The following VWCE variants were observed in gnomAD, a reference collection of about 807,000 sequenced individuals.
VWCE encodes von Willebrand factor C and EGF domain-containing protein.
Under a neutral mutation model 102.9 loss-of-function variants are expected in VWCE, and 68 were observed. That is an observed-to-expected ratio of 0.66 (90% CI 0.54 to 0.81). The LOEUF (loss-of-function observed/expected upper bound fraction) is 0.81, where lower values mean the gene tolerates loss of function less well. Ranked by LOEUF, VWCE falls within the 30% of genes least tolerant of loss-of-function variation. The pLI is 0.00. For missense variants in VWCE, 1,137 were observed against 1,263.6 expected, an observed-to-expected ratio of 0.90 and a Z score of 1.52; for synonymous variants, 497 against 515.4, an observed-to-expected ratio of 0.96 and a Z score of 0.48.
Position 61,294,868 on chromosome 11 carries a change from G to A in VWCE, c.110+60C>T, listed in dbSNP as rs1474869361. ...TCCTGAGCGCCCCTCCGCGCCTCTC[G>A]ACTGCACGCCGGTAGCGCTCTCCCG... On this transcript the variant is annotated intron_variant, in intron 1 of 19. Transcript: ENST00000335613. This position sits in a 1 kb window ranked among gnomAD's most constrained non-coding sequence, Gnocchi z 6.3. 8.2e-6 allele frequency: 10 copies of A among 1,214,678 alleles called. No individual in the cohort carries two copies. In the South Asian group the frequency reaches 2.3e-4, roughly 28 times the overall value. The allele number at this position is 1,214,678 out of a possible 1,614,324, so 75.2% of individuals were successfully genotyped here.
chr11:61,274,670 G>T, intron 11 of VWCE, 86 bp from the exon 12 acceptor site: 1 of 1,222,842 alleles, frequency 8.2e-7, no homozygotes, highest in Non-Finnish European at 1.2e-6. Flanking sequence ...AGGGAGCCCC[G>T]GGGCACTTAA....
At chr11:61,279,106 T>C (rs557019545) in intron 9 of VWCE, among the ~76,000 whole-genome samples, 14 of 151,480 alleles carry the variant, frequency 9.2e-5, no homozygotes, top group African/African-American at 2.4e-4. Flanking sequence ...AGCGTGTCCC[T>C]GGACATGTCA....
chr11:61,272,230 TACAC>T (rs946971391), intron 13 of VWCE, among the ~76,000 whole-genome samples: 1 of 150,382 alleles, frequency 6.6e-6, no homozygotes, highest in Non-Finnish European at 1.5e-5. Context: ...CACATTTACA[TACAC>T]ACACAGATAC....
intron 19 of VWCE, among the ~76,000 whole-genome samples, chr11:61,263,164 G>A (rs898640622): frequency 1.3e-5 from 2 of 152,100 alleles, no homozygotes; most frequent in African/African-American, 2.4e-5. Flanking sequence ...AAAATTAGCC[G>A]GGCATGGTGG....
Position 61,280,880 on chromosome 11 carries a change from T to G in VWCE, c.1143A>C (p.Ala381=). 1 of 1,534,066 alleles carries G rather than the reference T, an allele frequency of 6.5e-7. No individual in the cohort carries two copies. The highest frequency in any genetic ancestry group is 1.3e-5 in the South Asian group (1 of 77,354). The change falls in exon 8 of 20, where the codon GCA becomes GCC. Residue 381 remains alanine (A), a synonymous_variant. Transcript: ENST00000335613. ...CCAGGTGCCAGCAGGGAGAGGGCCC[T>G]GCTGCCAGTCGGGGGGACTCAGGGC... is the stretch of plus-strand genomic sequence containing the variant. ...PRGPESPRLA[A]GPSPCWHLGA...
Position 61,286,328 on chromosome 11 carries a change from C to A in VWCE, c.527G>T (p.Arg176Leu). 1.2e-6 allele frequency: 2 copies of A among 1,608,724 alleles called. No individual in the cohort carries two copies. Among genetic ancestry groups the A allele is most frequent in the Non-Finnish European group, 8.5e-7 (1 of 1,179,972 alleles). The change falls in exon 5 of 20, where the codon CGC becomes CTC. Residue 176 changes from arginine to leucine, a missense_variant. This residue lies in a region of VWCE where 575 missense variants were observed against 625.9 expected (regional missense o/e 0.92). Coordinates refer to ENST00000335613, the MANE Select transcript of VWCE (RefSeq NM_152718.2). Reference sequence around the variant, plus strand: ...CTGCAGCTCACCTTGGCAGCTGTGGCGGTCGGCAGACAGCTGCATGCCCGG... The same window carrying A: ...CTGCAGCTCACCTTGGCAGCTGTGGAGGTCGGCAGACAGCTGCATGCCCGG... ...CGPGMQLSADRHSCQDTDECL... is the reference protein window; with the variant it reads ...CGPGMQLSADLHSCQDTDECL...
At chr11:61,292,483 T>G (rs1178291589) in intron 1 of VWCE, among the ~76,000 whole-genome samples, 1 of 152,110 alleles carries the variant, frequency 6.6e-6, no homozygotes, top group East Asian at 1.9e-4. Context: ...GTGCCTGGCA[T>G]GTAGTAGGTG....
At chr11:61,293,080 A>G (rs1288459367) in intron 1 of VWCE, among the ~76,000 whole-genome samples, 3 of 151,974 alleles carry the variant, frequency 2.0e-5, no homozygotes, top group African/African-American at 4.8e-5. Flanking sequence ...CGACTCTACT[A>G]AAAATGCAAA....
intron 1 of VWCE, among the ~76,000 whole-genome samples, chr11:61,291,960 G>A (rs187613388): frequency 5.3e-5 from 8 of 152,302 alleles, no homozygotes; most frequent in East Asian, 1.9e-4. Context: ...GGTGGCTCAC[G>A]CCTGTAATCC....
chr11:61,286,284 C>T, intron 5 of VWCE, 30 bp downstream of exon 5: 6 of 1,593,960 alleles, frequency 3.8e-6, no homozygotes, highest in Non-Finnish European at 5.1e-6. Context: ...TTACCCCTCC[C>T]AGAGCAGCCA....
intron 5 of VWCE, among the ~76,000 whole-genome samples, chr11:61,283,314 C>A (rs1223843759): frequency 6.6e-6 from 1 of 152,192 alleles, no homozygotes; most frequent in African/African-American, 2.4e-5. Context: ...ACAGCAATGC[C>A]GCCCCATAGC....
intron 19 of VWCE, among the ~76,000 whole-genome samples, chr11:61,261,646 GA>G (rs1401224799): frequency 1.3e-5 from 2 of 150,710 alleles, no homozygotes; most frequent in South Asian, 2.1e-4. Flanking sequence ...AACAAAAATA[GA>G]AACAAAAAAT....
intron 13 of VWCE, among the ~76,000 whole-genome samples, chr11:61,272,064 T>C (rs1854727550): frequency 1.3e-5 from 2 of 151,700 alleles, no homozygotes; most frequent in South Asian, 2.1e-4. Context: ...CAGACACACA[T>C]GCTGATACAA....
At chr11:61,263,128 G>A (rs1006904719) in intron 19 of VWCE, among the ~76,000 whole-genome samples, 3 of 152,110 alleles carry the variant, frequency 2.0e-5, no homozygotes. Context: ...CGAACATGGC[G>A]AAACCTTGTC....
intron 1 of VWCE, among the ~76,000 whole-genome samples, chr11:61,293,375 C>G (rs1456141497): frequency 1.3e-5 from 2 of 149,692 alleles, no homozygotes; most frequent in Non-Finnish European, 3.0e-5. Context: ...CGAGATCGCA[C>G]CACTGCACTC....
rs182276889 is a variant in VWCE, at chr11:61,288,818, C to G, written c.424+1981G>C. 5.0e-3 allele frequency among the ~76,000 whole-genome samples: 760 copies of G among 150,734 alleles called. 9 individuals are homozygous for G. The highest frequency in any genetic ancestry group is 0.017 in the African/African-American group (711 of 40,952). On this transcript the variant is annotated intron_variant, in intron 4 of 19. Transcript: ENST00000335613. Reference sequence around the variant, plus strand: ...TCTGGGAAATAATCAGAGAAGCTGACAGGAAGCCTCTTTATGGCGCGTTTT... The same window carrying G: ...TCTGGGAAATAATCAGAGAAGCTGAGAGGAAGCCTCTTTATGGCGCGTTTT...
At chr11:61,283,145 G>GC (rs1855196517) in intron 5 of VWCE, among the ~76,000 whole-genome samples, 1 of 152,130 alleles carries the variant, frequency 6.6e-6, no homozygotes, top group Non-Finnish European at 1.5e-5. Context: ...CTGGAGAATA[G>GC]CCAGAGCCTC....
At chr11:61,293,854 C>A (rs977130671) in intron 1 of VWCE, among the ~76,000 whole-genome samples, 6 of 152,158 alleles carry the variant, frequency 3.9e-5, no homozygotes, top group African/African-American at 1.2e-4. Context: ...GTCCCTGGGG[C>A]CTTTTTCCCT....
chr11:61,261,904 G>A (rs1854371911), intron 19 of VWCE, among the ~76,000 whole-genome samples: 1 of 152,078 alleles, frequency 6.6e-6, no homozygotes, highest in African/African-American at 2.4e-5. Context: ...GAGGTAGGTG[G>A]TAAACATAGT....
Sources: allele counts gnomAD v4.1 joint callset (sites outside exome capture counted in the v4.1 genomes callset), GRCh38; gene constraint gnomAD v4.1.1; regional missense constraint gnomAD v4.1.1; non-coding constraint Gnocchi (gnomAD v3.1); transcripts MANE v1.5; gene names NCBI Gene and HGNC (gene_info 2026-07-23, HGNC 2026-07-21).